ADGRL3: variants seen among roughly 807,000 people sequenced by gnomAD.
ADGRL3 encodes adhesion G protein-coupled receptor L3, also known as calcium-independent alpha-latrotoxin receptor 3.
In ADGRL3, 62 loss-of-function variants were observed where a neutral mutation model predicts 153.5. That is an observed-to-expected ratio of 0.40 (90% confidence interval 0.33 to 0.50). The LOEUF is 0.50. Ranked by LOEUF, ADGRL3 falls within the 20% of genes least tolerant of loss-of-function variation. The pLI, the probability that ADGRL3 is intolerant of heterozygous loss-of-function variation, is 0.47. For synonymous variants in ADGRL3, 710 were observed against 672.5 expected, an observed-to-expected ratio of 1.06 and a Z score of -0.86; for missense variants, 1,641 against 1,859.4, an observed-to-expected ratio of 0.88 and a Z score of 2.16.
At chr4:61,704,008 A>G (rs2095813564) in intron 6 of ADGRL3, among the ~76,000 whole-genome samples, 1 of 152,130 alleles carries the variant, frequency 6.6e-6, no homozygotes, top group Non-Finnish European at 1.5e-5. Context: ...TAGATATAAC[A>G]CCTATGGTTT....
At chr4:61,610,096 T>C (rs961112631) in intron 5 of ADGRL3, among the ~76,000 whole-genome samples, 1 of 151,270 alleles carries the variant, frequency 6.6e-6, no homozygotes, top group African/African-American at 2.4e-5. Context: ...AAAGAATTAA[T>C]TATATTTTTA....
At chr4:61,727,521 C>G (rs2096369910) in intron 6 of ADGRL3, among the ~76,000 whole-genome samples, 1 of 152,120 alleles carries the variant, frequency 6.6e-6, no homozygotes, top group Admixed American at 6.5e-5. Flanking sequence ...AAGGCCCTTG[C>G]ACAGTTGTCA....
intron 17 of ADGRL3, 120 bp from the exon 18 acceptor site, chr4:61,979,443 G>T: frequency 1.3e-6 from 1 of 777,266 alleles, no homozygotes; most frequent in Non-Finnish European, 2.2e-6. Context: ...TTTATTCATT[G>T]TGGGTATAGA....
In ADGRL3 at chr4:62,076,773, T is replaced by A. The variant is rs1747284063; in HGVS notation, c.*5865T>A. The A allele has an allele frequency of 6.6e-6, 1 of 151,874 alleles. No individual in the cohort carries two copies. The highest frequency in any genetic ancestry group is 1.5e-5 in the Non-Finnish European group (1 of 67,864). 9.4% of individuals were successfully genotyped at this position (151,874 alleles called of 1,614,324 possible). A position where few individuals can be genotyped will look rare whatever the true frequency, so the allele number is the denominator to read the frequency against. On this transcript the variant is annotated 3_prime_UTR_variant, in exon 27 of 27. Coordinates refer to ENST00000683033, the MANE Select transcript of ADGRL3 (RefSeq NM_001387552.1). ...ATGTTTCTTAAATATAAGTATTTTG[T>A]CTGAATTCATCTTCACTCTCTAATC...
chr4:61,895,406 C>T lies in ADGRL3; in HGVS notation c.1784-325C>T, dbSNP rs374784971. On this transcript the variant is annotated intron_variant, in intron 10 of 26. Coordinates refer to ENST00000683033, the MANE Select transcript of ADGRL3 (RefSeq NM_001387552.1). ...ACTTGAACCCGGGAGGCAGAGGTTG[C>T]GGTGAGCCGAGATCTTGCCACTGCA... 5.1e-4 allele frequency among the ~76,000 whole-genome samples: 78 copies of T among 151,966 alleles called. 1 individual carries two copies. The highest frequency in any genetic ancestry group is 1.9e-3 in the South Asian group (9 of 4,810).
intron 9 of ADGRL3, among the ~76,000 whole-genome samples, chr4:61,867,381 T>C (rs1233962581): frequency 1.3e-5 from 2 of 151,168 alleles, no homozygotes; most frequent in African/African-American, 4.9e-5. Flanking sequence ...ATGCCTGTAG[T>C]CCCAGCTACT....
intron 6 of ADGRL3, among the ~76,000 whole-genome samples, chr4:61,717,949 G>A (rs1177828133): frequency 6.6e-6 from 1 of 152,126 alleles, no homozygotes; most frequent in East Asian, 1.9e-4. Context: ...AGGGAGGATT[G>A]CTTGAACCTG....
intron 1 of ADGRL3, among the ~76,000 whole-genome samples, chr4:61,350,347 T>TG (rs966131427): frequency 1.3e-5 from 2 of 149,726 alleles, no homozygotes; most frequent in Non-Finnish European, 1.5e-5. Flanking sequence ...ATGGAGGTTT[T>TG]TTTTTTTTTT....
chr4:61,931,181 T>C (rs1560391922), intron 13 of ADGRL3, among the ~76,000 whole-genome samples: 1 of 152,192 alleles, frequency 6.6e-6, no homozygotes, highest in East Asian at 1.9e-4. Context: ...AACTATTTAA[T>C]ACACATGTTG....
At chr4:62,008,424 C>T (rs1044651980) in intron 21 of ADGRL3, among the ~76,000 whole-genome samples, 7 of 151,990 alleles carry the variant, frequency 4.6e-5, no homozygotes, top group African/African-American at 9.7e-5. Context: ...ATAAGAAGGA[C>T]GCAGACAATA....
chr4:61,817,452 T>A (rs1344653765), intron 9 of ADGRL3, among the ~76,000 whole-genome samples: 1 of 152,144 alleles, frequency 6.6e-6, no homozygotes, highest in Non-Finnish European at 1.5e-5. Context: ...TGGACAGACG[T>A]TGGGATGACC....
intron 21 of ADGRL3, among the ~76,000 whole-genome samples, chr4:62,013,373 C>T (rs931569136): frequency 3.3e-5 from 5 of 151,780 alleles, no homozygotes; most frequent in African/African-American, 1.2e-4. Context: ...AACCCCATCT[C>T]TACTACAAAA....
chr4:61,437,445 C>T (rs1026419), intron 2 of ADGRL3, among the ~76,000 whole-genome samples: 77,143 of 151,922 alleles, frequency 0.51, 20,626 homozygotes, highest in East Asian at 0.81. Context: ...CTCCCATTTT[C>T]GTTTCTCTTA....
intron 9 of ADGRL3, among the ~76,000 whole-genome samples, chr4:61,878,982 T>C (rs1444846206): frequency 6.6e-6 from 1 of 152,166 alleles, no homozygotes; most frequent in Non-Finnish European, 1.5e-5. Flanking sequence ...ATGTAATATG[T>C]CCCTTTAAGA....
At chr4:61,428,861 ATC>A (rs1322485882) in intron 2 of ADGRL3, among the ~76,000 whole-genome samples, 2 of 122,950 alleles carry the variant, frequency 1.6e-5, no homozygotes, top group Admixed American at 8.0e-5. Flanking sequence ...CTATCTATCT[ATC>A]TATCTATCTA....
At position 62,051,115 on chromosome 4, in the gene ADGRL3, A is replaced by T. The variant is rs867053106; in HGVS notation, c.3814+6566A>T. On this transcript the variant is annotated intron_variant, in intron 25 of 26. Coordinates refer to ENST00000683033, the MANE Select transcript of ADGRL3 (RefSeq NM_001387552.1). Reference sequence around the variant, plus strand: ...CAAAGGATATATATATACAAAGAATATGTGTATATATATGTGTGTATATAT... The same window carrying T: ...CAAAGGATATATATATACAAAGAATTTGTGTATATATATGTGTGTATATAT... Among the ~76,000 whole-genome samples, 10 of 147,734 alleles carry T rather than the reference A, an allele frequency of 6.8e-5. No homozygotes were observed. The South Asian group carries it at 1.1e-3, about 16-fold the overall frequency.
intron 5 of ADGRL3, among the ~76,000 whole-genome samples, chr4:61,641,555 C>G (rs1157256022): frequency 2.7e-5 from 4 of 149,890 alleles, no homozygotes; most frequent in Non-Finnish European, 4.4e-5. Context: ...TTTGTTCTTG[C>G]GATAGTTTAC....
chr4:61,993,929 C>A (rs2099112731), intron 19 of ADGRL3, among the ~76,000 whole-genome samples: 1 of 151,910 alleles, frequency 6.6e-6, no homozygotes, highest in Non-Finnish European at 1.5e-5. Context: ...ACTAATTATC[C>A]AAAAAAACCA....
intron 2 of ADGRL3, among the ~76,000 whole-genome samples, chr4:61,455,553 C>T (rs749563092): frequency 3.0e-4 from 46 of 151,980 alleles, no homozygotes; most frequent in Non-Finnish European, 5.9e-4. Flanking sequence ...AATTTGTATT[C>T]TGCTGGGAAG....
Sources: allele counts gnomAD v4.1 joint callset (sites outside exome capture counted in the v4.1 genomes callset), GRCh38; gene constraint gnomAD v4.1.1; transcripts MANE v1.5; gene names NCBI Gene and HGNC (gene_info 2026-07-23, HGNC 2026-07-21).